The following XXYLT1 variants were observed in gnomAD, a reference collection of about 807,000 sequenced individuals.
XXYLT1 encodes the protein xyloside xylosyltransferase 1.
Under a neutral mutation model 28.9 loss-of-function variants are expected in XXYLT1, and 20 were observed. The ratio of observed to expected loss-of-function variants is 0.69; its 90% confidence interval spans 0.49 to 1.00. The LOEUF (loss-of-function observed/expected upper bound fraction) is 1.00. Ranked by LOEUF, XXYLT1 falls within the 50% of genes least tolerant of loss-of-function variation. The probability of loss-of-function intolerance (pLI) is 0.00; values close to 1 mark genes in which losing one functional copy is unlikely to be tolerated. For synonymous variants in XXYLT1, 257 were observed against 253.8 expected (o/e 1.01, Z -0.12); for missense variants, 542 against 560.1 (o/e 0.97, Z 0.33).
rs79938021 is a variant in XXYLT1 at position 195,115,737 on chromosome 3, G to A, written c.785+40712C>T. On this transcript the variant is annotated intron_variant, in intron 3 of 3. Coordinates refer to ENST00000310380, the MANE Select transcript of XXYLT1 (RefSeq NM_152531.5). The surrounding 1 kb of genome is among the most constrained non-coding windows in gnomAD (Gnocchi z 4.2). The stretch of plus-strand genomic sequence containing the variant: ...TTTGAGCTGAGGTGTTCACGTCCGA[G>A]GTGGAGGAAGGAGGGCGGCAGGTGC... Among the ~76,000 whole-genome samples the A allele has an allele frequency of 0.03, 4,454 of 148,858 alleles. 108 individuals are homozygous for A. Among genetic ancestry groups the A allele is most frequent in the Middle Eastern group, 0.11 (32 of 292 alleles).
intron 3 of XXYLT1, among the ~76,000 whole-genome samples, chr3:195,104,858 C>T (rs527485591): frequency 6.6e-6 from 1 of 152,304 alleles, no homozygotes; most frequent in East Asian, 1.9e-4. Context: ...TATCAGTTTG[C>T]AGTCCCTTTC....
chr3:195,139,008 G>T (rs1325805458), intron 3 of XXYLT1, among the ~76,000 whole-genome samples: 2 of 152,300 alleles, frequency 1.3e-5, no homozygotes, highest in South Asian at 2.1e-4. Flanking sequence ...ACAGCCAGGG[G>T]TTCAGTGCAG....
intron 3 of XXYLT1, among the ~76,000 whole-genome samples, chr3:195,130,827 G>A (rs1379880709): frequency 6.6e-6 from 1 of 152,068 alleles, no homozygotes; most frequent in Admixed American, 6.6e-5. Flanking sequence ...GGAGAGGAGG[G>A]CAGTGAGGCT....
intron 2 of XXYLT1, among the ~76,000 whole-genome samples, chr3:195,208,267 G>T (rs772900424): frequency 6.6e-6 from 1 of 152,102 alleles, no homozygotes; most frequent in Non-Finnish European, 1.5e-5. Context: ...AGAAAGTGAA[G>T]TTGTGAGGGC....
At chr3:195,258,361 T>C (rs2108850360) in intron 1 of XXYLT1, among the ~76,000 whole-genome samples, 1 of 152,346 alleles carries the variant, frequency 6.6e-6, no homozygotes, top group East Asian at 1.9e-4. Flanking sequence ...TACACTTGGC[T>C]GATGCCCAAA....
At chr3:195,094,700 C>T (rs1468451561) in intron 3 of XXYLT1, 1 of 153,908 alleles carries the variant, frequency 6.5e-6, no homozygotes. Context: ...CGCTTCCCGT[C>T]TCCACGCCAC....
At chr3:195,083,175 G>A (rs1021239307) in intron 3 of XXYLT1, among the ~76,000 whole-genome samples, 4 of 152,112 alleles carry the variant, frequency 2.6e-5, no homozygotes, top group Admixed American at 1.3e-4. Context: ...CTTTTCCTAC[G>A]CATAAGATCG....
At chr3:195,111,154 T>C (rs1717692213) in intron 3 of XXYLT1, among the ~76,000 whole-genome samples, 1 of 152,050 alleles carries the variant, frequency 6.6e-6, no homozygotes, top group Non-Finnish European at 1.5e-5. Context: ...TGGCAATCTT[T>C]GCTATTCCTT....
chr3:195,262,810 C>T (rs1725735164), intron 1 of XXYLT1, among the ~76,000 whole-genome samples: 1 of 152,210 alleles, frequency 6.6e-6, no homozygotes, highest in African/African-American at 2.4e-5. Flanking sequence ...TACATTGGTA[C>T]ACAAACTACT....
At chr3:195,142,816 G>A (rs929423883) in intron 3 of XXYLT1, among the ~76,000 whole-genome samples, 10 of 152,216 alleles carry the variant, frequency 6.6e-5, no homozygotes, top group African/African-American at 1.7e-4. Flanking sequence ...GGGAAGCAGT[G>A]AGGATATACC....
chr3:195,084,873 G>A (rs569800610), intron 3 of XXYLT1, among the ~76,000 whole-genome samples: 5 of 152,292 alleles, frequency 3.3e-5, no homozygotes, highest in South Asian at 2.1e-4. Flanking sequence ...CCATGCTGGG[G>A]ACAGTACACC....
chr3:195,156,675 C>T, intron 2 of XXYLT1, 94 bp from the exon 3 acceptor site: 1 of 1,493,980 alleles, frequency 6.7e-7, no homozygotes, highest in Non-Finnish European at 9.1e-7. Context: ...GAGAAAAGGG[C>T]ACTGGACTCT....
intron 3 of XXYLT1, among the ~76,000 whole-genome samples, chr3:195,109,677 T>TGG (rs1717375810): frequency 1.2e-5 from 1 of 86,058 alleles, no homozygotes; most frequent in Non-Finnish European, 2.5e-5. Context: ...GGTGTGTGTG[T>TGG]TGTATGAGTG....
intron 2 of XXYLT1, among the ~76,000 whole-genome samples, chr3:195,197,288 T>C (rs1421519341): frequency 6.6e-6 from 1 of 151,936 alleles, no homozygotes; most frequent in Non-Finnish European, 1.5e-5. Context: ...AATACAAAAA[T>C]TAGCCGGGCG....
intron 1 of XXYLT1, among the ~76,000 whole-genome samples, chr3:195,243,747 T>C (rs1242912481): frequency 6.6e-6 from 1 of 152,152 alleles, no homozygotes; most frequent in Non-Finnish European, 1.5e-5. Context: ...TAGCTTTAAA[T>C]GGAAAAGGTA....
intron 2 of XXYLT1, among the ~76,000 whole-genome samples, chr3:195,188,779 T>C (rs971402570): frequency 6.6e-6 from 1 of 152,220 alleles, no homozygotes; most frequent in Non-Finnish European, 1.5e-5. Context: ...TTTCTTCCAA[T>C]TTCCACACCA....
At chr3:195,199,850 A>G (rs990657936) in intron 2 of XXYLT1, among the ~76,000 whole-genome samples, 23 of 152,180 alleles carry the variant, frequency 1.5e-4, no homozygotes, top group African/African-American at 5.5e-4. Context: ...CATTAGACTT[A>G]TGAGCCATGA....
chr3:195,259,736 G>A (rs568247718), intron 1 of XXYLT1: 1 of 945,706 alleles, frequency 1.1e-6, no homozygotes, highest in Non-Finnish European at 1.3e-6. Flanking sequence ...GGCCTCTGGC[G>A]GCCTCGGGTC....
intron 1 of XXYLT1, among the ~76,000 whole-genome samples, chr3:195,263,845 A>AT (rs899708259): frequency 2.6e-5 from 4 of 152,202 alleles, no homozygotes; most frequent in Admixed American, 6.5e-5. Context: ...TTTAATCACT[A>AT]TAGTTATTAG....
Sources: allele counts gnomAD v4.1 joint callset (sites outside exome capture counted in the v4.1 genomes callset), GRCh38; gene constraint gnomAD v4.1.1; non-coding constraint Gnocchi (gnomAD v3.1); transcripts MANE v1.5; gene names NCBI Gene and HGNC (gene_info 2026-07-23, HGNC 2026-07-21).